The following MYBL2 variants were observed in gnomAD, a reference collection of about 807,000 sequenced individuals.
The protein encoded by MYBL2 is MYB proto-oncogene like 2.
MYBL2 carries 28 observed loss-of-function variants against 79.9 expected under a neutral mutation model. That is an observed-to-expected ratio of 0.35 (90% CI 0.26 to 0.48). MYBL2 has a LOEUF of 0.48. MYBL2 is among the 20% of genes least tolerant of loss of function. The probability of loss-of-function intolerance (pLI) is 0.99; values close to 1 mark genes in which losing one functional copy is unlikely to be tolerated. For synonymous variants in MYBL2, 378 were observed against 361.2 expected (o/e 1.05, Z -0.53); for missense variants, 735 against 893.9 (o/e 0.82, Z 2.27).
At chr20:43,678,929 G>A (rs73276005) in intron 2 of MYBL2, among the ~76,000 whole-genome samples, 1,894 of 151,916 alleles carry the variant, frequency 0.012, 45 homozygotes, top group African/African-American at 0.043. Context: ...TGAGGGAGTG[G>A]GAGAGGGCGC....
chr20:43,691,215 G>GT (rs1452421706), intron 5 of MYBL2, among the ~76,000 whole-genome samples: 1 of 152,232 alleles, frequency 6.6e-6, no homozygotes, highest in Non-Finnish European at 1.5e-5. Flanking sequence ...TGAGCAGACA[G>GT]TGTTGCTTAT....
chr20:43,691,771 T>G (rs2145721225), intron 5 of MYBL2, among the ~76,000 whole-genome samples: 1 of 152,080 alleles, frequency 6.6e-6, no homozygotes, highest in East Asian at 1.9e-4. Context: ...ACTCCCGATC[T>G]CAGGTGATCT....
intron 9 of MYBL2, among the ~76,000 whole-genome samples, chr20:43,709,636 C>G (rs1240114686): frequency 6.6e-6 from 1 of 152,176 alleles, no homozygotes; most frequent in Non-Finnish European, 1.5e-5. Context: ...TTCCTGGGTT[C>G]CCACCTTGCT....
intron 12 of MYBL2, among the ~76,000 whole-genome samples, chr20:43,713,433 G>C (rs1987958752): frequency 6.6e-6 from 1 of 151,180 alleles, no homozygotes; most frequent in Non-Finnish European, 1.5e-5. Flanking sequence ...TGTTGCCCAG[G>C]CTGGAGTGCA....
In MYBL2 at chr20:43,686,031, T is replaced by G. The variant is rs1335033165; in HGVS notation, c.280-821T>G. Among the ~76,000 whole-genome samples, 3 of 151,310 alleles carry G rather than the reference T, an allele frequency of 2.0e-5. No homozygotes were observed. The East Asian group carries it at 5.8e-4, about 29-fold the overall frequency. On this transcript the variant is annotated intron_variant, in intron 4 of 13. Transcript: ENST00000217026. ...CAGCCTGGGCAACAAGAGCAAAACT[T>G]CGTCTCAAAAAAAATAAATAAAAAA...
chr20:43,668,003 T>C (rs1986761536), intron 1 of MYBL2, among the ~76,000 whole-genome samples: 1 of 151,738 alleles, frequency 6.6e-6, no homozygotes, highest in African/African-American at 2.4e-5. Context: ...GTCTCCATTT[T>C]ACTTATTTCC....
intron 2 of MYBL2, among the ~76,000 whole-genome samples, chr20:43,676,632 G>A (rs941467772): frequency 2.6e-5 from 4 of 152,156 alleles, no homozygotes; most frequent in African/African-American, 9.7e-5. Flanking sequence ...GAAGATTCTT[G>A]CATAAGTCTT....
intron 2 of MYBL2, among the ~76,000 whole-genome samples, chr20:43,680,384 C>G (rs921930629): frequency 3.9e-5 from 6 of 152,212 alleles, no homozygotes; most frequent in African/African-American, 1.4e-4. Flanking sequence ...TTTGCCCTGT[C>G]TGGCTATTTG....
intron 6 of MYBL2, among the ~76,000 whole-genome samples, chr20:43,696,396 A>G (rs984751058): frequency 6.6e-6 from 1 of 150,522 alleles, no homozygotes; most frequent in East Asian, 2.0e-4. Context: ...ATGTGCCACC[A>G]TGCCTGGCTA....
rs764085870 is a variant in MYBL2, at chr20:43,716,139, C to A, written c.*52C>A. 13 of 1,592,840 alleles carry A rather than the reference C, an allele frequency of 8.2e-6. No individual in the cohort carries two copies. The African/African-American group carries it at 1.7e-4, about 21-fold the overall frequency. ...CTCATGTTTACAGGGGTTGTGGGGG[C>A]AGAGGGGGTCTGTGAATCTGAGAGT... is the stretch of plus-strand genomic sequence containing the variant. On this transcript the variant is annotated 3_prime_UTR_variant, in exon 14 of 14. Transcript: ENST00000217026.
rs777579410 is a variant in MYBL2 at position 43,715,982 on chromosome 20, G to C, written c.1998G>C (p.Val666=). 4 of 1,611,992 alleles carry C rather than the reference G, an allele frequency of 2.5e-6. No homozygotes were observed. The African/African-American group carries it at 4.0e-5, about 16-fold the overall frequency. The change falls in exon 14 of 14, where the codon GTG becomes GTC. Residue 666 remains valine (V), a synonymous_variant. Transcript: ENST00000217026. ...PAPMSSAWKT[V]ACGGTRDQLF... ...AGATGTCCAGTGCCTGGAAGACGGT[G>C]GCCTGCGGGGGGACCAGGGACCAGC...
chr20:43,667,421 G>C (rs910070863), intron 1 of MYBL2, 118 bp downstream of exon 1: 5 of 712,038 alleles, frequency 7.0e-6, no homozygotes, highest in East Asian at 4.0e-5. Context: ...GTGTGTGTTG[G>C]GGGTGGGGTG....
At chr20:43,678,820 G>A (rs2145711221) in intron 2 of MYBL2, among the ~76,000 whole-genome samples, 1 of 132,032 alleles carries the variant, frequency 7.6e-6, no homozygotes, top group South Asian at 2.4e-4. Context: ...TCGCACCATT[G>A]CACTCCAGCC....
chr20:43,716,025 G>A lies in MYBL2; in HGVS notation c.2041G>A (p.Ala681Thr). ...GGACCAGCTTTTCATGCAGGAGAAA[G>A]CCCGGCAGCTCCTGGGCCGCCTGAA... is the stretch of plus-strand genomic sequence containing the variant. ...TRDQLFMQEK[A>T]RQLLGRLKPS... is the part of the protein sequence containing the mutation. Residue 681 changes from alanine to threonine, a missense_variant, in exon 14 of 14, where the codon GCC (alanine) becomes ACC (threonine). Physicochemically the swap from Ala to Thr is moderately conservative, Grantham distance 58. Coordinates refer to ENST00000217026, the MANE Select transcript of MYBL2 (RefSeq NM_002466.4). The A allele has an allele frequency of 6.2e-7, 1 of 1,611,864 alleles. No homozygotes were observed. The highest frequency in any genetic ancestry group is 8.5e-7 in the Non-Finnish European group (1 of 1,179,864).
chr20:43,673,402 C>T (rs1369816020), intron 1 of MYBL2, among the ~76,000 whole-genome samples: 1 of 151,526 alleles, frequency 6.6e-6, no homozygotes, highest in African/African-American at 2.4e-5. Flanking sequence ...TTTGGGAGGC[C>T]GTGGTGGGAG....
intron 1 of MYBL2, among the ~76,000 whole-genome samples, chr20:43,668,086 G>A (rs1368743277): frequency 6.6e-6 from 1 of 152,076 alleles, no homozygotes; most frequent in African/African-American, 2.4e-5. Context: ...ACACCTGTGC[G>A]CCTGGGGCCT....
intron 4 of MYBL2, 150 bp from the exon 5 acceptor site, chr20:43,686,702 G>T: frequency 1.4e-6 from 1 of 703,482 alleles, no homozygotes; most frequent in South Asian, 1.9e-5. Flanking sequence ...ATCCTGGGTG[G>T]CATCCCCTGC....
At chr20:43,677,610 C>T (rs994829321) in intron 2 of MYBL2, among the ~76,000 whole-genome samples, 6 of 152,208 alleles carry the variant, frequency 3.9e-5, no homozygotes, top group African/African-American at 1.4e-4. Context: ...ACGGAGATGG[C>T]CGCCCGGCCA....
At chr20:43,714,400 G>A (rs909144408) in intron 12 of MYBL2, among the ~76,000 whole-genome samples, 1 of 152,142 alleles carries the variant, frequency 6.6e-6, no homozygotes, top group African/African-American at 2.4e-5. Flanking sequence ...ACGTTATTGA[G>A]TATGTTATTA....
Sources: gnomAD v4.1 joint callset for allele counts (sites outside exome capture counted in the v4.1 genomes callset) on GRCh38, gnomAD v4.1.1 for gene constraint, MANE v1.5 for transcripts, NCBI Gene and HGNC (gene_info 2026-07-23, HGNC 2026-07-21) for gene names.